The following STX7 variants were observed in gnomAD, a reference collection of about 807,000 sequenced individuals.
STX7 encodes the protein syntaxin-7.
STX7 carries 34 observed loss-of-function variants against 39.6 expected under a neutral mutation model. The ratio of observed to expected loss-of-function variants is 0.86; its 90% CI spans 0.65 to 1.14. The LOEUF (loss-of-function observed/expected upper bound fraction) is 1.14. Among genes scored for constraint, STX7 ranks in the 50% most tolerant of loss-of-function variants. The probability of loss-of-function intolerance (pLI) is 0.00; values close to 1 mark genes in which losing one functional copy is unlikely to be tolerated. For synonymous variants in STX7, 119 were observed against 99.1 expected, an observed-to-expected ratio of 1.20 and a Z score of -1.19; for missense variants, 284 against 310.4, an observed-to-expected ratio of 0.92 and a Z score of 0.64.
chr6:132,507,787 A>G (rs1246802836), intron 1 of STX7, among the ~76,000 whole-genome samples: 1 of 152,246 alleles, frequency 6.6e-6, no homozygotes, highest in Non-Finnish European at 1.5e-5. Flanking sequence ...ACTGGCTTAC[A>G]AGCCAAAACA....
intron 2 of STX7, among the ~76,000 whole-genome samples, chr6:132,487,834 T>C (rs13207355): frequency 0.27 from 40,935 of 152,046 alleles, 6,300 homozygotes; most frequent in East Asian, 0.65. Flanking sequence ...TCTGGTTAGA[T>C]GTTTATCAGT....
Position 132,458,708 on chromosome 6 carries a change from T to G in STX7, c.*2050A>C, listed in dbSNP as rs550710595. On this transcript the variant is annotated 3_prime_UTR_variant, in exon 10 of 10. Coordinates refer to ENST00000367941, the MANE Select transcript of STX7 (RefSeq NM_003569.3). ...CCATACTATGTTTCTTATTTAATTT[T>G]CTCTAATCAATACTACTCTTACGTT... 7 of 152,214 alleles carry G rather than the reference T, an allele frequency of 4.6e-5. No individual in the cohort carries two copies. The highest frequency in any genetic ancestry group is 1.0e-4 in the Non-Finnish European group (7 of 68,042). 9.4% of individuals were successfully genotyped at this position (152,214 alleles called of 1,614,324 possible).
chr6:132,482,239 G>A (rs1775031054), intron 2 of STX7, among the ~76,000 whole-genome samples: 1 of 152,126 alleles, frequency 6.6e-6, no homozygotes, highest in Non-Finnish European at 1.5e-5. Flanking sequence ...AACATTTACT[G>A]GGCATCTGCT....
At chr6:132,500,389 T>C (rs997883559) in intron 2 of STX7, among the ~76,000 whole-genome samples, 2 of 152,152 alleles carry the variant, frequency 1.3e-5, no homozygotes, top group Non-Finnish European at 2.9e-5. Flanking sequence ...TTTTCCCTAT[T>C]TTCTGAGTAT....
In STX7 at chr6:132,447,518, G is replaced by C. The variant is rs191916886; in HGVS notation, c.*13240C>G. The stretch of plus-strand genomic sequence containing the variant: ...TGTTCTATTTACTTTTTTGCTGCTC[G>C]AGCTAAAAATTGAGTGACTTCAAAT... On this transcript the variant is annotated 3_prime_UTR_variant, in exon 10 of 10. Coordinates refer to ENST00000367941, the MANE Select transcript of STX7 (RefSeq NM_003569.3). 6.6e-6 allele frequency: 1 copy of C among 151,850 alleles called. No individual in the cohort carries two copies. Among genetic ancestry groups the C allele is most frequent in the Non-Finnish European group, 1.5e-5 (1 of 67,976 alleles). The allele number at this position is 151,850 out of a possible 1,614,324, so 9.4% of individuals were successfully genotyped here. A position where few individuals can be genotyped will look rare whatever the true frequency, so the allele number is the denominator to read the frequency against.
intron 9 of STX7, among the ~76,000 whole-genome samples, chr6:132,461,292 T>C (rs960054241): frequency 6.6e-6 from 1 of 152,032 alleles, no homozygotes. Flanking sequence ...ATTGGCAACT[T>C]TTCTTCACAT....
chr6:132,491,273 GA>G (rs368980068), intron 2 of STX7, among the ~76,000 whole-genome samples: 3,310 of 131,752 alleles, frequency 0.025, 110 homozygotes, highest in African/African-American at 0.084. Flanking sequence ...AGGATTAAAA[GA>G]AAAAAAAAAA....
chr6:132,474,317 T>C lies in STX7; in HGVS notation c.155+1276A>G, dbSNP rs182649669. Among the ~76,000 whole-genome samples the C allele has an allele frequency of 2.8e-3, 425 of 152,014 alleles. 5 individuals are homozygous for C. Among genetic ancestry groups the C allele is most frequent in the Non-Finnish European group, 3.7e-3 (249 of 67,972 alleles). On this transcript the variant is annotated intron_variant, in intron 3 of 9. Coordinates refer to ENST00000367941, the MANE Select transcript of STX7 (RefSeq NM_003569.3). Reference sequence around the variant, plus strand: ...TAACTCTATCAAAATATTAGAACTTTTATGAATTATGTACTTCTATTCCAT... The same window carrying C: ...TAACTCTATCAAAATATTAGAACTTCTATGAATTATGTACTTCTATTCCAT...
At position 132,461,824 on chromosome 6, in the gene STX7, C is replaced by T. The variant is rs138122979; in HGVS notation, c.694-974G>A. On this transcript the variant is annotated intron_variant, in intron 9 of 9. Transcript: ENST00000367941. ...GTTCAGTTGTAGATTTCTTTAATGG[C>T]GTTTGTACCTCACATCAACATGCAG... 790 of 1,537,796 alleles carry T rather than the reference C, an allele frequency of 5.1e-4. 5 individuals are homozygous for T. The African/African-American group carries it at 9.3e-3, about 18-fold the overall frequency.
At chr6:132,506,699 T>C (rs1775713650) in intron 1 of STX7, among the ~76,000 whole-genome samples, 2 of 152,012 alleles carry the variant, frequency 1.3e-5, no homozygotes, top group African/African-American at 4.8e-5. Flanking sequence ...GACTGTAAAG[T>C]AGTACAACCT....
rs1372565018 is a variant in STX7 at position 132,456,748 on chromosome 6, C to CA, written c.*4009dup. On this transcript the variant is annotated 3_prime_UTR_variant, in exon 10 of 10. Transcript: ENST00000367941. ...TTCACGTGGTTTGAACTGTACATCT[C>CA]AGTGTTTGTTTCACAATTATGCTAG... 1.3e-5 allele frequency: 2 copies of CA among 152,232 alleles called. No individual in the cohort carries two copies. Among genetic ancestry groups the CA allele is most frequent in the Non-Finnish European group, 2.9e-5 (2 of 68,040 alleles). 9.4% of individuals were successfully genotyped at this position (152,232 alleles called of 1,614,324 possible).
Position 132,453,786 on chromosome 6 carries a change from C to T in STX7, c.*6972G>A, listed in dbSNP as rs1774189432. ...AATAAAAAAGAGACACCACCAAATG[C>T]TGAAAAGGACATGAAGCAACTAGAT... On this transcript the variant is annotated 3_prime_UTR_variant, in exon 10 of 10. Transcript: ENST00000367941. 1 of 151,876 alleles carries T rather than the reference C, an allele frequency of 6.6e-6. No homozygotes were observed. Among genetic ancestry groups the T allele is most frequent in the African/African-American group, 2.4e-5 (1 of 41,350 alleles). The allele number at this position is 151,876 out of a possible 1,614,324, so 9.4% of individuals were successfully genotyped here.
At chr6:132,461,672 T>G in intron 9 of STX7, 1 of 678,056 alleles carries the variant, frequency 1.5e-6, no homozygotes, top group Non-Finnish European at 2.4e-6. Context: ...AAAATCATTC[T>G]CATTCTTTAA....
rs75202413 is a variant in STX7 at position 132,496,747 on chromosome 6, C to G, written c.85+6699G>C. Among the ~76,000 whole-genome samples, 136 of 152,262 alleles carry G rather than the reference C, an allele frequency of 8.9e-4. 2 individuals carry two copies. In the East Asian group the frequency reaches 0.024, roughly 27 times the overall value. ...GTCTTGGAAGGTTCGAGAGCTTACT[C>G]AAGGTCACACCGCTATTTGGATCTG... On this transcript the variant is annotated intron_variant, in intron 2 of 9. Transcript: ENST00000367941.
chr6:132,446,936 T>C lies in STX7; in HGVS notation c.*13822A>G, dbSNP rs1034091844. ...TCCAAAGCCAATAGAAGAGAGACAGTACTCTAAAAGAAGGCCTAGGAGCCA... is the reference window on the plus strand; with the variant it reads ...TCCAAAGCCAATAGAAGAGAGACAGCACTCTAAAAGAAGGCCTAGGAGCCA... On this transcript the variant is annotated 3_prime_UTR_variant, in exon 10 of 10. Transcript: ENST00000367941. 2.0e-5 allele frequency: 3 copies of C among 152,038 alleles called. No homozygotes were observed. The highest frequency in any genetic ancestry group is 4.8e-5 in the African/African-American group (2 of 41,408). 9.4% of individuals were successfully genotyped at this position (152,038 alleles called of 1,614,324 possible). A position where few individuals can be genotyped will look rare whatever the true frequency, so the allele number is the denominator to read the frequency against.
chr6:132,474,035 T>TTGCCGGCACTG (rs1774807129), intron 3 of STX7, among the ~76,000 whole-genome samples: 1 of 151,704 alleles, frequency 6.6e-6, no homozygotes. Context: ...TGAAGACCAG[T>TTGCCGGCACTG]GCCGGCAACA....
At chr6:132,509,745 A>G (rs191407699) in intron 1 of STX7, among the ~76,000 whole-genome samples, 122 of 152,256 alleles carry the variant, frequency 8.0e-4, no homozygotes, top group African/African-American at 2.9e-3. Flanking sequence ...CACAAAGGAA[A>G]GGAACCAAAT....
At chr6:132,491,416 A>G (rs74387946) in intron 2 of STX7, among the ~76,000 whole-genome samples, 3,549 of 152,090 alleles carry the variant, frequency 0.023, 127 homozygotes, top group African/African-American at 0.08. Context: ...AAAAATAAAG[A>G]CCCCATGACA....
rs1774278706 is a variant in STX7, at chr6:132,457,766, CCTCA to C, written c.*2988_*2991del. 1 of 151,936 alleles carries C rather than the reference CCTCA, an allele frequency of 6.6e-6. No homozygotes were observed. The highest frequency in any genetic ancestry group is 1.5e-5 in the Non-Finnish European group (1 of 67,958). The allele number at this position is 151,936 out of a possible 1,614,324, so 9.4% of individuals were successfully genotyped here. A position where few individuals can be genotyped will look rare whatever the true frequency, so the allele number is the denominator to read the frequency against. On this transcript the variant is annotated 3_prime_UTR_variant, in exon 10 of 10. Transcript: ENST00000367941. ...TTGAAAATGTCATTCAACTCAAATC[CCTCA>C]ATCAACTTACTTCAGCCCATTCTGA...
Sources: allele counts gnomAD v4.1 joint callset (sites outside exome capture counted in the v4.1 genomes callset), GRCh38; gene constraint gnomAD v4.1.1; transcripts MANE v1.5; gene names NCBI Gene and HGNC (gene_info 2026-07-23, HGNC 2026-07-21).